The following NSD1 variants were observed in gnomAD, a reference collection of about 807,000 sequenced individuals.
The protein encoded by NSD1 is nuclear receptor binding SET domain protein 1.
NSD1 carries 26 observed loss-of-function variants against 242.7 expected under a neutral mutation model. The observed-to-expected ratio is 0.11, with a 90% confidence interval of 0.08 to 0.15. The LOEUF (loss-of-function observed/expected upper bound fraction) is 0.15, where lower values mean the gene tolerates loss of function less well. Ranked by LOEUF, NSD1 falls within the 10% of genes least tolerant of loss-of-function variation. NSD1 has a pLI of 1.00. For synonymous variants in NSD1, 1,106 were observed against 1,178.1 expected, an observed-to-expected ratio of 0.94 and a Z score of 1.25; for missense variants, 2,495 against 3,272.8, an observed-to-expected ratio of 0.76 and a Z score of 5.80.
At chr5:177,292,211 G>T in intron 22 of NSD1, 53 bp downstream of exon 22, 5 of 1,573,512 alleles carry the variant, frequency 3.2e-6, no homozygotes, top group Non-Finnish European at 4.4e-6. Context: ...TCATACTCAG[G>T]GTCTCATGCC....
At chr5:177,179,892 G>A (rs1217253528) in intron 2 of NSD1, among the ~76,000 whole-genome samples, 1 of 151,866 alleles carries the variant, frequency 6.6e-6, no homozygotes, top group East Asian at 1.9e-4. Flanking sequence ...AGTCTATTAA[G>A]ATATAATTAA....
At chr5:177,174,391 T>C (rs1377511742) in intron 2 of NSD1, among the ~76,000 whole-genome samples, 1 of 152,042 alleles carries the variant, frequency 6.6e-6, no homozygotes, top group Non-Finnish European at 1.5e-5. Flanking sequence ...TTTTGTGGTT[T>C]TAGTAGAGAC....
At chr5:177,212,487 CTTTT>C (rs34930823) in intron 5 of NSD1, among the ~76,000 whole-genome samples, 5 of 126,948 alleles carry the variant, frequency 3.9e-5, no homozygotes, top group African/African-American at 6.8e-5. Context: ...CTCTCTCTCT[CTTTT>C]TTTTTTTTTT....
chr5:177,176,031 A>G (rs1306496111), intron 2 of NSD1, among the ~76,000 whole-genome samples: 1 of 152,040 alleles, frequency 6.6e-6, no homozygotes, highest in African/African-American at 2.4e-5. Flanking sequence ...ACATGCCAAC[A>G]TGCCCAGCTA....
chr5:177,132,542 G>A (rs879407560), upstream of NSD1, among the ~76,000 whole-genome samples: 4 of 151,884 alleles, frequency 2.6e-5, no homozygotes, highest in Non-Finnish European at 4.4e-5. This position sits in a 1 kb window ranked among gnomAD's most constrained non-coding sequence, Gnocchi z 7.5. Context: ...GGGCTCGGGG[G>A]TGGTGAGGGA....
At chr5:177,144,740 C>T (rs144008430) in intron 2 of NSD1, among the ~76,000 whole-genome samples, 1 of 152,216 alleles carries the variant, frequency 6.6e-6, no homozygotes, top group Admixed American at 6.5e-5. Context: ...TAAATAATCT[C>T]AATTGTAGCC....
intron 2 of NSD1, among the ~76,000 whole-genome samples, chr5:177,184,833 G>A (rs1247319929): frequency 8.5e-5 from 13 of 152,050 alleles, no homozygotes; most frequent in African/African-American, 3.1e-4. Context: ...CACCACGCCT[G>A]GCCTTTTCTT....
Position 177,135,641 on chromosome 5 carries a change from A to G in NSD1, c.538A>G (p.Ile180Val), listed in dbSNP as rs757433459. The G allele has an allele frequency of 3.1e-6, 5 of 1,614,130 alleles. No homozygotes were observed. The South Asian group carries it at 4.4e-5, about 14-fold the overall frequency. The change falls in exon 2 of 23, where the codon ATA (isoleucine) becomes GTA (valine). Residue 180 changes from isoleucine to valine, a missense_variant. Ile to Val is a conservative substitution (Grantham distance 29, BLOSUM62 3). This residue lies in a region of NSD1 where 376 missense variants were observed against 367.4 expected (regional missense o/e 1.02). Coordinates refer to ENST00000439151, the MANE Select transcript of NSD1 (RefSeq NM_022455.5). ...ACAGCCAGTCACAGAGGATGAGAGT[A>G]TAGAGGAGATCTTTGAGGAAACTCA... Reference protein sequence around the residue: ...PEQPVTEDESIEEIFEETQTN... With the variant: ...PEQPVTEDESVEEIFEETQTN...
Position 177,210,682 on chromosome 5 carries a change from A to G in NSD1, c.2283A>G (p.Ile761Met). 1 of 1,614,218 alleles carries G rather than the reference A, an allele frequency of 6.2e-7. No homozygotes were observed. Among genetic ancestry groups the G allele is most frequent in the Non-Finnish European group, 8.5e-7 (1 of 1,180,038 alleles). Residue 761 changes from isoleucine (I) to methionine (M), a missense_variant, in exon 5 of 23, where the codon ATA (isoleucine) becomes ATG (methionine). Around this residue, in one of 19 missense-constraint regions of NSD1, gnomAD observed 515 missense variants for 467.0 expected, o/e 1.10. Transcript: ENST00000439151. ...CAAAATTCAACCTGTCATCAAGCAT[A>G]TCCAGTGAGAACTCGTTAATAAAGG... ...LSPKFNLSSS[I>M]SSENSLIKGG...
At chr5:177,185,988 T>A (rs1244475766) in intron 2 of NSD1, among the ~76,000 whole-genome samples, 2 of 101,724 alleles carry the variant, frequency 2.0e-5, no homozygotes, top group East Asian at 4.8e-4. Context: ...ATATTATATA[T>A]TTTATATTAT....
chr5:177,146,694 C>G (rs904419688), intron 2 of NSD1, among the ~76,000 whole-genome samples: 1 of 151,896 alleles, frequency 6.6e-6, no homozygotes, highest in East Asian at 1.9e-4. Flanking sequence ...TTAGTATATC[C>G]ATGACTCCCG....
At position 177,224,342 on chromosome 5, in the gene NSD1, C is replaced by G. The variant is rs1486420578; in HGVS notation, c.3797-11479C>G. 3.9e-5 allele frequency among the ~76,000 whole-genome samples: 6 copies of G among 152,144 alleles called. No homozygotes were observed. The East Asian group carries it at 1.2e-3, about 29-fold the overall frequency. On this transcript the variant is annotated intron_variant, in intron 5 of 22. Coordinates refer to ENST00000439151, the MANE Select transcript of NSD1 (RefSeq NM_022455.5). Reference sequence around the variant, plus strand: ...ATTAGATTCGTCTTTCACTTCTTTCCATGATACTTTGTAATTTTCAGTGTA... The same window carrying G: ...ATTAGATTCGTCTTTCACTTCTTTCGATGATACTTTGTAATTTTCAGTGTA...
intron 12 of NSD1, among the ~76,000 whole-genome samples, chr5:177,252,375 C>T (rs994616559): frequency 9.2e-5 from 14 of 151,832 alleles, no homozygotes; most frequent in Non-Finnish European, 1.2e-4. Flanking sequence ...TCTTAGGATG[C>T]GTGTACTTTA....
At chr5:177,236,906 G>A (rs530988351) in intron 6 of NSD1, among the ~76,000 whole-genome samples, 30 of 152,258 alleles carry the variant, frequency 2.0e-4, no homozygotes, top group Non-Finnish European at 4.0e-4. Flanking sequence ...GCACGAACAC[G>A]GTTCACTGCA....
intron 12 of NSD1, among the ~76,000 whole-genome samples, chr5:177,253,089 G>T (rs1756137666): frequency 6.6e-6 from 1 of 152,098 alleles, no homozygotes; most frequent in African/African-American, 2.4e-5. Context: ...ATACTAAGGA[G>T]GTTCTGGAGT....
intron 5 of NSD1, among the ~76,000 whole-genome samples, chr5:177,222,632 G>A (rs180975059): frequency 2.2e-4 from 33 of 152,078 alleles, no homozygotes; most frequent in Admixed American, 1.8e-3. Flanking sequence ...GGTCATTTAT[G>A]TATTTTATTT....
chr5:177,279,707 C>G (rs951914361), intron 17 of NSD1, among the ~76,000 whole-genome samples: 6 of 145,386 alleles, frequency 4.1e-5, no homozygotes, highest in Non-Finnish European at 9.0e-5. Context: ...TCCGCTGCCT[C>G]CCAGTTTCAC....
rs899840321 is a variant in NSD1 at position 177,287,143 on chromosome 5, A to G, written c.6152-1676A>G. ...ATATTGAACTCTTTTCTAGAATGGT[A>G]TCACTGTTTAGTTTATGAGCACTGA... On this transcript the variant is annotated intron_variant, in intron 20 of 22. Coordinates refer to ENST00000439151, the MANE Select transcript of NSD1 (RefSeq NM_022455.5). Among the ~76,000 whole-genome samples, 3 of 152,222 alleles carry G rather than the reference A, an allele frequency of 2.0e-5. No individual in the cohort carries two copies. In the South Asian group the frequency reaches 6.2e-4, roughly 32 times the overall value.
intron 2 of NSD1, among the ~76,000 whole-genome samples, chr5:177,154,142 C>T (rs1167336919): frequency 6.6e-6 from 1 of 152,078 alleles, no homozygotes; most frequent in African/African-American, 2.4e-5. Context: ...TTCCCACTTG[C>T]ACTTCTCCAT....
Sources: allele counts gnomAD v4.1 joint callset (sites outside exome capture counted in the v4.1 genomes callset), GRCh38; gene constraint gnomAD v4.1.1; regional missense constraint gnomAD v4.1.1; non-coding constraint Gnocchi (gnomAD v3.1); transcripts MANE v1.5; gene names NCBI Gene and HGNC (gene_info 2026-07-23, HGNC 2026-07-21).